The following RGS7 variants were observed in gnomAD, a reference collection of about 807,000 sequenced individuals.
RGS7 encodes regulator of G-protein signaling 7.
In RGS7, 27 loss-of-function variants were observed where a neutral mutation model predicts 81.1. That is an observed-to-expected ratio of 0.33 (90% CI 0.25 to 0.46). RGS7 has a LOEUF of 0.46. Ranked by LOEUF, RGS7 falls within the 20% of genes least tolerant of loss-of-function variation. The pLI is 1.00. For synonymous variants in RGS7, 208 were observed against 207.7 expected (o/e 1.00, Z -0.01); for missense variants, 396 against 607.4 (o/e 0.65, Z 3.66).
chr1:241,258,810 G>A (rs1265241782), intron 2 of RGS7, among the ~76,000 whole-genome samples: 1 of 152,148 alleles, frequency 6.6e-6, no homozygotes, highest in Non-Finnish European at 1.5e-5. Context: ...CAAAATACAA[G>A]GAAACTTTTC....
chr1:241,286,881 G>T (rs1264383194), intron 2 of RGS7, among the ~76,000 whole-genome samples: 2 of 152,120 alleles, frequency 1.3e-5, no homozygotes, highest in Non-Finnish European at 2.9e-5. Context: ...ATCAACAAGG[G>T]ACATCTAGAT....
At chr1:240,836,172 G>A (rs535503017) in intron 9 of RGS7, among the ~76,000 whole-genome samples, 13 of 151,832 alleles carry the variant, frequency 8.6e-5, no homozygotes, top group East Asian at 1.9e-4. Flanking sequence ...TAATGGGGGC[G>A]GCTGTGGGCC....
At chr1:241,151,565 CT>C (rs58097674) in intron 2 of RGS7, among the ~76,000 whole-genome samples, 1,249 of 116,486 alleles carry the variant, frequency 0.011, 4 homozygotes, top group East Asian at 0.016. Context: ...ATTAGGAACT[CT>C]TTTTTTTTTT....
chr1:240,895,814 T>G (rs147390760), intron 6 of RGS7, among the ~76,000 whole-genome samples: 19,440 of 152,214 alleles, frequency 0.13, 1,354 homozygotes, highest in Middle Eastern at 0.18. Context: ...GTAATGGGAT[T>G]GCTGGGTCAA....
intron 2 of RGS7, among the ~76,000 whole-genome samples, chr1:241,169,656 T>A (rs2103251266): frequency 6.6e-6 from 1 of 152,288 alleles, no homozygotes; most frequent in South Asian, 2.1e-4. Context: ...TATATGTGTT[T>A]CTTTAGGCTA....
Position 240,841,401 on chromosome 1 carries a change from C to T in RGS7, c.610-14229G>A, listed in dbSNP as rs573271067. Reference sequence around the variant, plus strand: ...TTTACCCGGGTGTGCAATGGCACAGCGGAGTTCAGACAACACAACTGAGCC... The same window carrying T: ...TTTACCCGGGTGTGCAATGGCACAGTGGAGTTCAGACAACACAACTGAGCC... On this transcript the variant is annotated intron_variant, in intron 9 of 18. Coordinates refer to ENST00000440928, the MANE Select transcript of RGS7 (RefSeq NM_001364886.1). 3.9e-4 allele frequency among the ~76,000 whole-genome samples: 59 copies of T among 152,284 alleles called. 1 individual carries two copies. Among genetic ancestry groups the T allele is most frequent in the Admixed American group, 2.1e-3 (32 of 15,288 alleles).
intron 6 of RGS7, among the ~76,000 whole-genome samples, chr1:240,910,837 G>A (rs1255918261): frequency 2.0e-5 from 3 of 151,960 alleles, no homozygotes; most frequent in Non-Finnish European, 4.4e-5. Context: ...TCATGCCTCA[G>A]CCTCCCAAGT....
chr1:240,887,382 C>A (rs1369138182), intron 6 of RGS7, among the ~76,000 whole-genome samples: 1 of 152,028 alleles, frequency 6.6e-6, no homozygotes, highest in Non-Finnish European at 1.5e-5. Flanking sequence ...GCCCCTGCCA[C>A]CACGCCCGGC....
chr1:241,088,041 C>T (rs535513333), intron 3 of RGS7, among the ~76,000 whole-genome samples: 10 of 89,904 alleles, frequency 1.1e-4, no homozygotes, highest in African/African-American at 7.5e-4. Context: ...TATATATACA[C>T]ACATATATAT....
intron 2 of RGS7, among the ~76,000 whole-genome samples, chr1:241,304,417 T>G (rs115340212): frequency 2.2e-3 from 333 of 152,210 alleles, no homozygotes; most frequent in African/African-American, 7.4e-3. Context: ...AAGGACTGAG[T>G]TGACGCACAG....
chr1:241,168,840 C>T (rs976857396), intron 2 of RGS7, among the ~76,000 whole-genome samples: 7 of 152,118 alleles, frequency 4.6e-5, no homozygotes, highest in African/African-American at 1.7e-4. Context: ...AGACTGCAGG[C>T]AGCAATTACT....
At chr1:241,034,060 C>A (rs748745085) in intron 3 of RGS7, among the ~76,000 whole-genome samples, 4 of 152,164 alleles carry the variant, frequency 2.6e-5, no homozygotes, top group Non-Finnish European at 5.9e-5. Context: ...AAGTGTTAAT[C>A]TAGAGACTCA....
chr1:241,228,468 A>G (rs2075456366), intron 2 of RGS7, among the ~76,000 whole-genome samples: 1 of 152,260 alleles, frequency 6.6e-6, no homozygotes, highest in Admixed American at 6.5e-5. Context: ...ATCTATCTAT[A>G]AAGACTACTA....
chr1:241,324,998 G>A (rs1442781294), intron 2 of RGS7, among the ~76,000 whole-genome samples: 1 of 152,172 alleles, frequency 6.6e-6, no homozygotes, highest in African/African-American at 2.4e-5. Flanking sequence ...AATAAACAGT[G>A]ATAAAAAATA....
chr1:241,262,097 C>G (rs2077367391), intron 2 of RGS7, among the ~76,000 whole-genome samples: 5 of 152,134 alleles, frequency 3.3e-5, no homozygotes. Context: ...TTCAGACCCT[C>G]ACATGAAAGG....
intron 6 of RGS7, among the ~76,000 whole-genome samples, chr1:240,909,685 GCT>G (rs1455274224): frequency 2.0e-5 from 3 of 152,174 alleles, no homozygotes; most frequent in Admixed American, 2.0e-4. Flanking sequence ...TATATAGTCA[GCT>G]TTTTGTCATG....
At chr1:241,056,143 A>C (rs916098855) in intron 3 of RGS7, among the ~76,000 whole-genome samples, 5 of 151,618 alleles carry the variant, frequency 3.3e-5, no homozygotes, top group Middle Eastern at 3.4e-3. Context: ...ACTAACATTC[A>C]CTCTAGCCCT....
intron 6 of RGS7, among the ~76,000 whole-genome samples, chr1:240,873,299 T>G (rs1002802791): frequency 6.6e-6 from 1 of 152,336 alleles, no homozygotes; most frequent in African/African-American, 2.4e-5. Flanking sequence ...TTTTTGGGGT[T>G]CTATTTAAAA....
At chr1:240,932,935 C>G (rs535992304) in intron 5 of RGS7, among the ~76,000 whole-genome samples, 6,790 of 110,958 alleles carry the variant, frequency 0.061, 134 homozygotes, top group Admixed American at 0.092. Flanking sequence ...CCAGGCTGGA[C>G]TGCAGTGGCG....
Sources: gnomAD v4.1 joint callset for allele counts (sites outside exome capture counted in the v4.1 genomes callset) on GRCh38, gnomAD v4.1.1 for gene constraint, MANE v1.5 for transcripts, NCBI Gene and HGNC (gene_info 2026-07-23, HGNC 2026-07-21) for gene names.